KIF26B: variants seen among roughly 807,000 people sequenced by gnomAD.
The protein encoded by KIF26B is kinesin-like protein KIF26B.
In KIF26B, 63 loss-of-function variants were observed where a neutral mutation model predicts 151.2. The ratio of observed to expected loss-of-function variants is 0.42; its 90% CI spans 0.34 to 0.51. KIF26B has a LOEUF of 0.51. Among genes scored for constraint, KIF26B ranks in the 20% least tolerant of loss-of-function variants. The probability of loss-of-function intolerance (pLI) is 0.07; values close to 1 mark genes in which losing one functional copy is unlikely to be tolerated. For synonymous variants in KIF26B, 1,357 were observed against 1,262.1 expected (o/e 1.08, Z -1.59); for missense variants, 2,813 against 2,913.6 (o/e 0.97, Z 0.79).
At chr1:245,654,315 G>A (rs1000957683) in intron 10 of KIF26B, among the ~76,000 whole-genome samples, 1 of 149,798 alleles carries the variant, frequency 6.7e-6, no homozygotes, top group African/African-American at 2.4e-5. Context: ...ATGAGGGGTG[G>A]GGAGGGGGCA....
intron 3 of KIF26B, among the ~76,000 whole-genome samples, chr1:245,379,048 G>A (rs1673340538): frequency 6.6e-6 from 1 of 152,148 alleles, no homozygotes; most frequent in African/African-American, 2.4e-5. Flanking sequence ...ATGGAATCAG[G>A]ACCCTCTTTT....
intron 4 of KIF26B, among the ~76,000 whole-genome samples, chr1:245,426,534 CGTT>C (rs1392523861): frequency 6.6e-6 from 1 of 152,216 alleles, no homozygotes; most frequent in African/African-American, 2.4e-5. Context: ...TATCTTCCAT[CGTT>C]GTTTTTGAAT....
chr1:245,537,046 G>A (rs1291735378), intron 4 of KIF26B, among the ~76,000 whole-genome samples: 1 of 152,228 alleles, frequency 6.6e-6, no homozygotes, highest in East Asian at 1.9e-4. Context: ...GAGTATCAGT[G>A]TCAGGTTGTA....
chr1:245,328,890 G>A (rs899322767), intron 2 of KIF26B, among the ~76,000 whole-genome samples: 6 of 152,302 alleles, frequency 3.9e-5, no homozygotes, highest in South Asian at 4.1e-4. Context: ...TAGTGAGACC[G>A]TGTCTCTGTT....
intron 2 of KIF26B, among the ~76,000 whole-genome samples, chr1:245,219,398 C>A (rs962916052): frequency 6.6e-6 from 1 of 151,776 alleles, no homozygotes; most frequent in African/African-American, 2.4e-5. Context: ...GGATTATAGG[C>A]GCGAGCCACT....
Position 245,156,658 on chromosome 1 carries a change from T to C in KIF26B, c.440T>C (p.Leu147Pro). 1.3e-6 allele frequency: 2 copies of C among 1,513,062 alleles called. No homozygotes were observed. Among genetic ancestry groups the C allele is most frequent in the Non-Finnish European group, 1.8e-6 (2 of 1,137,854 alleles). 93.7% of individuals were successfully genotyped at this position (1,513,062 alleles called of 1,614,324 possible). A position where few individuals can be genotyped will look rare whatever the true frequency, so the allele number is the denominator to read the frequency against. The change falls in exon 2 of 15, where the codon CTC becomes CCC. Residue 147 changes from leucine to proline, a missense_variant. By Grantham distance (98) the Leu-to-Pro change is moderately conservative (BLOSUM62 -3). Coordinates refer to ENST00000407071, the MANE Select transcript of KIF26B (RefSeq NM_018012.4). ...CTCAAGAGGCAGGCCCTGAGGTTGC[T>C]CCTCCCGGGGCCCTTCCCGGGCAAG... ...VELKRQALRL[L>P]LPGPFPGKDP... is the part of the protein sequence containing the mutation.
chr1:245,656,489 G>A (rs1443566495), intron 10 of KIF26B, among the ~76,000 whole-genome samples: 1 of 152,156 alleles, frequency 6.6e-6, no homozygotes, highest in Non-Finnish European at 1.5e-5. Context: ...CTTTAATGAC[G>A]ACTAACCATC....
intron 4 of KIF26B, among the ~76,000 whole-genome samples, chr1:245,431,967 C>G (rs1003494295): frequency 1.3e-5 from 2 of 152,066 alleles, no homozygotes; most frequent in African/African-American, 4.8e-5. Context: ...CTTGCTTTTC[C>G]TCTAAAAGTG....
In KIF26B at chr1:245,597,910, C is replaced by G. The variant is rs762074856; in HGVS notation, c.1351-4667C>G. 6.6e-6 allele frequency among the ~76,000 whole-genome samples: 1 copy of G among 151,994 alleles called. No homozygotes were observed. The highest frequency in any genetic ancestry group is 2.4e-5 in the African/African-American group (1 of 41,394). ...TCAATCTCTGCTATCCTTTCTTCCG[C>G]TTGATCGATTCAGCTATTGATACTG... On this transcript the variant is annotated intron_variant, in intron 5 of 14. Coordinates refer to ENST00000407071, the MANE Select transcript of KIF26B (RefSeq NM_018012.4). The surrounding 1 kb of genome is among the most constrained non-coding windows in gnomAD (Gnocchi z 4.6).
At chr1:245,675,734 A>T (rs58577128) in intron 10 of KIF26B, among the ~76,000 whole-genome samples, 13,592 of 151,986 alleles carry the variant, frequency 0.089, 1,687 homozygotes, top group African/African-American at 0.28. Flanking sequence ...TGCATTTCTT[A>T]ATAAGAGCAC....
chr1:245,171,293 C>T (rs1287345912), intron 2 of KIF26B, among the ~76,000 whole-genome samples: 2 of 152,198 alleles, frequency 1.3e-5, no homozygotes, highest in East Asian at 1.9e-4. Flanking sequence ...CCTGTAATCC[C>T]AGCACTTTGG....
intron 2 of KIF26B, among the ~76,000 whole-genome samples, chr1:245,312,689 C>T (rs74153521): frequency 0.075 from 11,423 of 152,140 alleles, 465 homozygotes; most frequent in Middle Eastern, 0.11. Flanking sequence ...AGAGAGGTTA[C>T]GTGACATGCC....
rs61744484 is a variant in KIF26B at position 245,685,694 on chromosome 1, G to A, written c.2711G>A (p.Arg904Gln). Residue 904 changes from arginine to glutamine, a missense_variant, in exon 12 of 15, where the codon CGG becomes CAG. By Grantham distance (43) the Arg-to-Gln change is conservative. Around this residue, in one of 3 missense-constraint regions of KIF26B, gnomAD observed 2,060 missense variants for 2,088.6 expected, o/e 0.99. Coordinates refer to ENST00000407071, the MANE Select transcript of KIF26B (RefSeq NM_018012.4). ...CTGCAGAAGACCCGGGGCGACAGCC[G>A]GCCCGCAGAGGCAGGAGAGGCTGCA... ...PALQKTRGDS[R>Q]PAEAGEAAAG... 73,710 of 1,612,884 alleles carry A rather than the reference G, an allele frequency of 0.046. 1,825 individuals are homozygous for A. Among genetic ancestry groups the A allele is most frequent in the Non-Finnish European group, 0.051 (60,277 of 1,179,744 alleles).
chr1:245,425,973 T>C (rs1658639505), intron 4 of KIF26B, among the ~76,000 whole-genome samples: 1 of 152,224 alleles, frequency 6.6e-6, no homozygotes, highest in African/African-American at 2.4e-5. Flanking sequence ...TCTAATCAGA[T>C]TTCCAAGTAA....
At chr1:245,325,337 G>A (rs1266377918) in intron 2 of KIF26B, among the ~76,000 whole-genome samples, 3 of 152,284 alleles carry the variant, frequency 2.0e-5, no homozygotes, top group Non-Finnish European at 2.9e-5. Flanking sequence ...CACCGTGAGC[G>A]TCATTTGTTG....
chr1:245,612,292 T>C (rs144295982), intron 9 of KIF26B, among the ~76,000 whole-genome samples: 1 of 152,008 alleles, frequency 6.6e-6, no homozygotes, highest in Non-Finnish European at 1.5e-5. Flanking sequence ...TTGGTTATCT[T>C]TGTAGAGATG....
intron 9 of KIF26B, among the ~76,000 whole-genome samples, chr1:245,614,142 G>T (rs1279605788): frequency 6.6e-6 from 1 of 152,054 alleles, no homozygotes; most frequent in African/African-American, 2.4e-5. Flanking sequence ...GTTTCTTCTG[G>T]TTCCTGCTGC....
intron 10 of KIF26B, among the ~76,000 whole-genome samples, chr1:245,678,178 G>A (rs558879429): frequency 1.3e-5 from 2 of 152,240 alleles, no homozygotes; most frequent in East Asian, 3.9e-4. Context: ...TTTCAAAGCC[G>A]TGGTTCTGTC....
At chr1:245,412,749 G>A (rs1414875469) in intron 3 of KIF26B, among the ~76,000 whole-genome samples, 1 of 152,184 alleles carries the variant, frequency 6.6e-6, no homozygotes, top group Non-Finnish European at 1.5e-5. Flanking sequence ...ACATTTAAAT[G>A]TGGTTGAAAG....
Sources: gnomAD v4.1 joint callset for allele counts (sites outside exome capture counted in the v4.1 genomes callset) on GRCh38, gnomAD v4.1.1 for gene constraint, gnomAD v4.1.1 regional missense constraint, Gnocchi (gnomAD v3.1) non-coding constraint, MANE v1.5 for transcripts, NCBI Gene and HGNC (gene_info 2026-07-23, HGNC 2026-07-21) for gene names.